Variants in ASH1L observed in about 807,000 individuals in gnomAD.
ASH1L encodes the protein histone-lysine N-methyltransferase ASH1L.
A neutral mutation model predicts 269.0 loss-of-function variants in ASH1L; 23 were observed. The observed-to-expected ratio is 0.09, with a 90% CI of 0.06 to 0.12. ASH1L has a LOEUF of 0.12. ASH1L is among the 10% of genes least tolerant of loss of function. The probability of loss-of-function intolerance (pLI) is 1.00; values close to 1 mark genes in which losing one functional copy is unlikely to be tolerated. For missense variants in ASH1L, 2,912 were observed against 3,567.8 expected (o/e 0.82, Z 4.68); for synonymous variants, 1,187 against 1,253.5 (o/e 0.95, Z 1.12).
chr1:155,440,993 C>T (rs909605326), intron 4 of ASH1L, among the ~76,000 whole-genome samples: 24 of 152,120 alleles, frequency 1.6e-4, no homozygotes, highest in African/African-American at 5.8e-4. Context: ...GGCTCCTTCA[C>T]CCTCCCCACA....
chr1:155,403,368 T>TAAGTA (rs939489962), intron 6 of ASH1L, among the ~76,000 whole-genome samples: 10 of 152,160 alleles, frequency 6.6e-5, no homozygotes, highest in Non-Finnish European at 1.0e-4. Context: ...CTGTAGAAGC[T>TAAGTA]AAGTAAAGTA....
At chr1:155,389,703 C>T (rs948379215) in intron 7 of ASH1L, among the ~76,000 whole-genome samples, 3 of 152,042 alleles carry the variant, frequency 2.0e-5, no homozygotes, top group African/African-American at 4.8e-5. Context: ...ACAAAACACA[C>T]ATCTATATGC....
chr1:155,356,236 C>T (rs913638555), intron 15 of ASH1L, among the ~76,000 whole-genome samples: 2 of 152,162 alleles, frequency 1.3e-5, no homozygotes, highest in African/African-American at 4.8e-5. Flanking sequence ...TGCGCCCTGC[C>T]AAAGCAGGTA....
At chr1:155,492,602 T>G (rs957555926) in intron 2 of ASH1L, among the ~76,000 whole-genome samples, 12 of 152,166 alleles carry the variant, frequency 7.9e-5, no homozygotes, top group Non-Finnish European at 1.6e-4. Flanking sequence ...ATAACATACT[T>G]ATTACATATT....
At chr1:155,370,689 T>C (rs908020888) in intron 11 of ASH1L, 39 bp from the exon 12 acceptor site, 1 of 1,612,050 alleles carries the variant, frequency 6.2e-7, no homozygotes, top group Non-Finnish European at 8.5e-7. Flanking sequence ...AATTAAAGAG[T>C]AGCTGAAAGT....
chr1:155,406,141 T>C (rs1330042712), intron 6 of ASH1L, among the ~76,000 whole-genome samples: 1 of 150,088 alleles, frequency 6.7e-6, no homozygotes, highest in Non-Finnish European at 1.5e-5. Flanking sequence ...GGGGCGAAGG[T>C]TGCAGTGAGC....
intron 16 of ASH1L, among the ~76,000 whole-genome samples, chr1:155,353,303 T>C (rs1056911867): frequency 5.3e-5 from 8 of 152,226 alleles, no homozygotes; most frequent in Admixed American, 2.0e-4. Context: ...GTGCCTGACA[T>C]GTAAGCACTC....
chr1:155,452,211 G>C (rs1334230899), intron 4 of ASH1L, among the ~76,000 whole-genome samples: 1 of 150,778 alleles, frequency 6.6e-6, no homozygotes, highest in African/African-American at 2.4e-5. Context: ...GCTAGTTTTT[G>C]TATTTTTAGT....
intron 3 of ASH1L, among the ~76,000 whole-genome samples, chr1:155,473,084 T>A (rs1665231139): frequency 1.3e-5 from 2 of 152,206 alleles, no homozygotes; most frequent in African/African-American, 4.8e-5. Flanking sequence ...GATACCAGAA[T>A]ATGGAAGTTG....
chr1:155,373,223 A>C (rs1199461404), intron 10 of ASH1L, among the ~76,000 whole-genome samples: 61 of 132,178 alleles, frequency 4.6e-4, no homozygotes, highest in African/African-American at 2.2e-3. Flanking sequence ...AAAAAAAAAC[A>C]AAAAAAAAAC....
intron 4 of ASH1L, among the ~76,000 whole-genome samples, chr1:155,447,727 T>C (rs972973227): frequency 3.3e-5 from 5 of 152,240 alleles, no homozygotes; most frequent in Non-Finnish European, 7.3e-5. Context: ...CTTTTACCTA[T>C]AGAGTGGTTT....
At chr1:155,401,957 G>A (rs1658893259) in intron 6 of ASH1L, among the ~76,000 whole-genome samples, 1 of 152,044 alleles carries the variant, frequency 6.6e-6, no homozygotes, top group Non-Finnish European at 1.5e-5. Context: ...GGGCGTGGTG[G>A]CAGGCGCCTG....
At chr1:155,489,831 TAAATAAC>T (rs1024049737) in intron 2 of ASH1L, among the ~76,000 whole-genome samples, 4 of 151,278 alleles carry the variant, frequency 2.6e-5, no homozygotes, top group African/African-American at 9.7e-5. Flanking sequence ...AATAAATAAA[TAAATAAC>T]AATATGGTAA....
intron 5 of ASH1L, chr1:155,433,820 A>G: frequency 1.9e-6 from 3 of 1,606,742 alleles, no homozygotes; most frequent in Non-Finnish European, 2.5e-6. Flanking sequence ...AGCTGACAAC[A>G]ATGAAAATCT....
At chr1:155,554,008 G>T (rs1257694405) in intron 1 of ASH1L, among the ~76,000 whole-genome samples, 1 of 151,738 alleles carries the variant, frequency 6.6e-6, no homozygotes. Flanking sequence ...TGTTGGCCAG[G>T]CTGGTCTCGA....
intron 20 of ASH1L, among the ~76,000 whole-genome samples, chr1:155,346,901 T>C (rs772573700): frequency 2.8e-4 from 42 of 152,244 alleles, no homozygotes; most frequent in Non-Finnish European, 5.4e-4. Context: ...CATTCACATA[T>C]ATTAGTGGGG....
chr1:155,445,278 G>C (rs576227871), intron 4 of ASH1L, among the ~76,000 whole-genome samples: 2 of 152,092 alleles, frequency 1.3e-5, no homozygotes, highest in East Asian at 3.9e-4. Context: ...CCACCTCCCA[G>C]GTTCAAGCAA....
intron 1 of ASH1L, among the ~76,000 whole-genome samples, chr1:155,557,359 T>G (rs867783219): frequency 1.6e-4 from 24 of 152,024 alleles, no homozygotes; most frequent in African/African-American, 5.3e-4. Flanking sequence ...ACCTCCCAGG[T>G]TCACACCATT....
In ASH1L at chr1:155,439,026, C is replaced by T. The variant is rs1268778816; in HGVS notation, c.5129G>A (p.Gly1710Glu). The change falls in exon 5 of 28, where the codon GGG (glycine) becomes GAG (glutamate). Residue 1710 changes from glycine (G) to glutamate (E), a missense_variant. By Grantham distance (98) the Gly-to-Glu change is moderately conservative. Coordinates refer to ENST00000392403, the MANE Select transcript of ASH1L (RefSeq NM_018489.3). ...PSRSPRLVAS[G>E]DDSVDSLLQR... is the part of the protein sequence containing the mutation. ...CAGCAGACTATCCACAGAGTCATCCCCAGAAGCAACTAATCTTGGACTTCG... is the reference window on the plus strand; with the variant it reads ...CAGCAGACTATCCACAGAGTCATCCTCAGAAGCAACTAATCTTGGACTTCG... The T allele has an allele frequency of 6.2e-7, 1 of 1,612,630 alleles. No individual in the cohort carries two copies. The highest frequency in any genetic ancestry group is 8.5e-7 in the Non-Finnish European group (1 of 1,179,438).
Sources: allele counts gnomAD v4.1 joint callset (sites outside exome capture counted in the v4.1 genomes callset), GRCh38; gene constraint gnomAD v4.1.1; transcripts MANE v1.5; gene names NCBI Gene and HGNC (gene_info 2026-07-23, HGNC 2026-07-21).